ADRA1A: variants seen among roughly 807,000 people sequenced by gnomAD.
ADRA1A encodes the protein adrenoceptor alpha 1A.
ADRA1A carries 31 observed loss-of-function variants against 29.6 expected under a neutral mutation model. The ratio of observed to expected loss-of-function variants is 1.05; its 90% CI spans 0.79 to 1.41. ADRA1A has a LOEUF of 1.41. Ranked by LOEUF, ADRA1A falls within the 40% of genes most tolerant of loss-of-function variation. ADRA1A has a pLI of 0.00. For synonymous variants in ADRA1A, 311 were observed against 254.3 expected (o/e 1.22, Z -2.12); for missense variants, 619 against 601.1 (o/e 1.03, Z -0.31).
At position 26,769,881 on chromosome 8, in the gene ADRA1A, C is replaced by T. The variant is rs899549368; in HGVS notation, c.*268G>A. On this transcript the variant is annotated 3_prime_UTR_variant, in exon 3 of 3. Transcript: ENST00000380573. ...AAATTCTGTTTCCCATGGTGGTTTT[C>T]GTTGAAGTGGGCACAGAGTGACCAA... The T allele has an allele frequency of 5.4e-5, 64 of 1,191,440 alleles. No homozygotes were observed. The East Asian group carries it at 1.6e-3, about 30-fold the overall frequency. The allele number at this position is 1,191,440 out of a possible 1,614,324, so 73.8% of individuals were successfully genotyped here.
Position 26,775,865 on chromosome 8 carries a change from C to A in ADRA1A, c.884-5199G>T, listed in dbSNP as rs769206722. Among the ~76,000 whole-genome samples, 1 of 152,186 alleles carries A rather than the reference C, an allele frequency of 6.6e-6. No homozygotes were observed. Among genetic ancestry groups the A allele is most frequent in the Non-Finnish European group, 1.5e-5 (1 of 68,024 alleles). The stretch of plus-strand genomic sequence containing the variant: ...CATTCATGGAGATTCAGAATCCTCA[C>A]TTCCACTGTAAAGGCCTCTAGATGC... On this transcript the variant is annotated intron_variant, in intron 2 of 2. Coordinates refer to ENST00000380573, the MANE Select transcript of ADRA1A (RefSeq NM_000680.4). The surrounding 1 kb of genome is among the most constrained non-coding windows in gnomAD (Gnocchi z 4.1).
At chr8:26,764,228 C>T (rs528347314), downstream of ADRA1A, among the ~76,000 whole-genome samples, 37 of 152,318 alleles carry the variant, frequency 2.4e-4, no homozygotes, top group South Asian at 3.7e-3. Context: ...GGGACCTCTA[C>T]GTTCCTGAGG....
At chr8:26,827,172 A>C (rs1810637184) in intron 2 of ADRA1A, among the ~76,000 whole-genome samples, 1 of 152,240 alleles carries the variant, frequency 6.6e-6, no homozygotes, top group African/African-American at 2.4e-5. Flanking sequence ...TTATTATGAC[A>C]ATACAACAAT....
At chr8:26,810,649 C>T (rs1031407240) in intron 2 of ADRA1A, among the ~76,000 whole-genome samples, 1 of 152,162 alleles carries the variant, frequency 6.6e-6, no homozygotes, top group Non-Finnish European at 1.5e-5. Context: ...TATTAGCTAG[C>T]TCACTGGAGA....
chr8:26,811,813 T>C (rs937440114), intron 2 of ADRA1A, among the ~76,000 whole-genome samples: 4 of 152,244 alleles, frequency 2.6e-5, no homozygotes, highest in African/African-American at 7.2e-5. Flanking sequence ...GAACTTGACG[T>C]AAATGTCGTC....
intron 2 of ADRA1A, among the ~76,000 whole-genome samples, chr8:26,784,577 G>A (rs1000231771): frequency 2.0e-5 from 3 of 152,188 alleles, no homozygotes; most frequent in South Asian, 4.1e-4. Flanking sequence ...AGCTGACACA[G>A]TTCGTCAAAA....
downstream of ADRA1A, among the ~76,000 whole-genome samples, chr8:26,764,461 A>G (rs190925100): frequency 1.3e-3 from 194 of 152,360 alleles, no homozygotes; most frequent in African/African-American, 4.5e-3. Context: ...CAGGAGAGAA[A>G]GTGCCAATAG....
At chr8:26,794,845 C>G (rs1563258501) in intron 2 of ADRA1A, among the ~76,000 whole-genome samples, 2 of 151,792 alleles carry the variant, frequency 1.3e-5, no homozygotes, top group African/African-American at 2.4e-5. Flanking sequence ...AAAGAGATGT[C>G]TAAAATTACA....
intron 2 of ADRA1A, among the ~76,000 whole-genome samples, chr8:26,842,616 C>A (rs748937605): frequency 3.3e-5 from 5 of 152,132 alleles, no homozygotes; most frequent in Admixed American, 2.6e-4. Context: ...CTTCAACACA[C>A]CTTGCGATCA....
intron 2 of ADRA1A, among the ~76,000 whole-genome samples, chr8:26,808,910 ACTTGGG>A (rs1809186587): frequency 6.6e-6 from 1 of 152,168 alleles, no homozygotes; most frequent in African/African-American, 2.4e-5. Context: ...ACATCTCACA[ACTTGGG>A]TGGGATCATT....
chr8:26,758,132 T>C (rs1805300936), intron 2 of ADRA1A, among the ~76,000 whole-genome samples: 1 of 151,900 alleles, frequency 6.6e-6, no homozygotes, highest in African/African-American at 2.4e-5. Flanking sequence ...CCAAAGAAAA[T>C]AGTGTGGTGT....
chr8:26,770,284 G>A lies in ADRA1A; in HGVS notation c.1266C>T (p.Ala422=), dbSNP rs1806039757. The A allele has an allele frequency of 6.2e-7, 1 of 1,614,086 alleles. No individual in the cohort carries two copies. Among genetic ancestry groups the A allele is most frequent in the Admixed American group, 1.7e-5 (1 of 60,008 alleles). ...VSKDQSSCTT[A]RVRSKSFLQV... is the part of the protein sequence containing the mutation. ...GCAAAAAGCTTTTACTTCTCACCCGGGCTGTGGTACAGGAGGATTGGTCTT... is the reference window on the plus strand; with the variant it reads ...GCAAAAAGCTTTTACTTCTCACCCGAGCTGTGGTACAGGAGGATTGGTCTT... The change falls in exon 3 of 3, where the codon GCC becomes GCT. Residue 422 remains alanine (A), a synonymous_variant. Transcript: ENST00000380573.
Position 26,864,629 on chromosome 8 carries a change from A to T in ADRA1A, c.341T>A (p.Ile114Asn), listed in dbSNP as rs748982353. 1 of 1,614,000 alleles carries T rather than the reference A, an allele frequency of 6.2e-7. No individual in the cohort carries two copies. Among genetic ancestry groups the T allele is most frequent in the African/African-American group, 1.3e-5 (1 of 74,916 alleles). ...GATGGAGATGATGCAGAGGCCCATG[A>T]TGGACGCGGTGCAGCACAGCACATC... ...AVDVLCCTASIMGLCIISIDR... is the reference protein window; with the variant it reads ...AVDVLCCTASNMGLCIISIDR... Residue 114 changes from isoleucine (I) to asparagine (N), a missense_variant, in exon 2 of 3, where the codon ATC (isoleucine) becomes AAC (asparagine). By Grantham distance (149) the Ile-to-Asn change is moderately radical. Coordinates refer to ENST00000380573, the MANE Select transcript of ADRA1A (RefSeq NM_000680.4). The surrounding 1 kb of genome is among the most constrained non-coding windows in gnomAD (Gnocchi z 8.1).
downstream of ADRA1A, among the ~76,000 whole-genome samples, chr8:26,753,195 T>G (rs1804997699): frequency 6.6e-6 from 1 of 152,202 alleles, no homozygotes; most frequent in Non-Finnish European, 1.5e-5. Context: ...AACACAGCTG[T>G]GTTGTCTGTG....
At chr8:26,852,028 G>A (rs970909525) in intron 2 of ADRA1A, among the ~76,000 whole-genome samples, 3 of 152,040 alleles carry the variant, frequency 2.0e-5, no homozygotes, top group Non-Finnish European at 4.4e-5. Flanking sequence ...AAAAATTATT[G>A]AGCTCACACT....
chr8:26,794,400 G>A (rs1221142127), intron 2 of ADRA1A, among the ~76,000 whole-genome samples: 1 of 152,058 alleles, frequency 6.6e-6, no homozygotes, highest in Admixed American at 6.6e-5. Context: ...CAGAATTGTG[G>A]TTCATGAATC....
At chr8:26,794,031 A>G (rs1234723174) in intron 2 of ADRA1A, among the ~76,000 whole-genome samples, 3 of 152,100 alleles carry the variant, frequency 2.0e-5, no homozygotes, top group Non-Finnish European at 4.4e-5. Flanking sequence ...TGTATCATTT[A>G]GAAATGAAGT....
rs569815943 is a variant in ADRA1A, at chr8:26,865,752, C to T, written c.-686-97G>A. 6.8e-5 allele frequency: 67 copies of T among 980,514 alleles called. No individual in the cohort carries two copies. The South Asian group carries it at 2.0e-3, about 30-fold the overall frequency. The allele number at this position is 980,514 out of a possible 1,614,324, so 60.7% of individuals were successfully genotyped here. The stretch of plus-strand genomic sequence containing the variant: ...GGGTTGGGGGACACCAGTTGGGAGC[C>T]GGGTTGGTTCTGCGGTCCAGAAGCT... On this transcript the variant is annotated intron_variant, in intron 1 of 2. Coordinates refer to ENST00000380573, the MANE Select transcript of ADRA1A (RefSeq NM_000680.4). This position sits in a 1 kb window ranked among gnomAD's most constrained non-coding sequence, Gnocchi z 7.6.
At position 26,814,163 on chromosome 8, in the gene ADRA1A, T is replaced by A. The variant is rs1809604965; in HGVS notation, c.884-43497A>T. ...AGTTTTTTTCTTAGCTTTAAAGGAGTGGTTTTAGTGATTACTATCTCCTAT... is the reference window on the plus strand; with the variant it reads ...AGTTTTTTTCTTAGCTTTAAAGGAGAGGTTTTAGTGATTACTATCTCCTAT... On this transcript the variant is annotated intron_variant, in intron 2 of 2. Transcript: ENST00000380573. Among the ~76,000 whole-genome samples the A allele has an allele frequency of 2.0e-5, 3 of 151,652 alleles. No individual in the cohort carries two copies. In the South Asian group the frequency reaches 6.3e-4, roughly 32 times the overall value.
Sources: allele counts gnomAD v4.1 joint callset (sites outside exome capture counted in the v4.1 genomes callset), GRCh38; gene constraint gnomAD v4.1.1; non-coding constraint Gnocchi (gnomAD v3.1); transcripts MANE v1.5; gene names NCBI Gene and HGNC (gene_info 2026-07-23, HGNC 2026-07-21).